Variants in LOXHD1 observed in about 807,000 individuals in gnomAD.
The protein encoded by LOXHD1 is lipoxygenase homology domain-containing protein 1.
LOXHD1 carries 205 observed loss-of-function variants against 248.2 expected under a neutral mutation model. That is an observed-to-expected ratio of 0.83 (90% CI 0.74 to 0.93). LOXHD1 has a LOEUF of 0.93. LOXHD1 is among the 40% of genes least tolerant of loss of function. The pLI is 0.00. For synonymous variants in LOXHD1, 1,113 were observed against 1,162.8 expected (o/e 0.96, Z 0.87); for missense variants, 2,930 against 2,971.6 (o/e 0.99, Z 0.33).
chr18:46,489,368 A>C (rs1482555774), intron 37 of LOXHD1, among the ~76,000 whole-genome samples: 1 of 152,218 alleles, frequency 6.6e-6, no homozygotes, highest in Non-Finnish European at 1.5e-5. Context: ...CTTTGGGTTC[A>C]TGAACCCTAG....
chr18:46,515,331 G>C (rs931839687), intron 34 of LOXHD1, among the ~76,000 whole-genome samples: 1 of 152,028 alleles, frequency 6.6e-6, no homozygotes, highest in African/African-American at 2.4e-5. Flanking sequence ...TCTTAACAAG[G>C]ACTTCAAGAC....
chr18:46,489,906 A>G (rs1307741335), intron 37 of LOXHD1, among the ~76,000 whole-genome samples: 3 of 152,252 alleles, frequency 2.0e-5, no homozygotes. Flanking sequence ...TTCAACAATC[A>G]TAGAAGAAAT....
At chr18:46,572,263 G>T in intron 14 of LOXHD1, 101 bp from the exon 15 acceptor site, 1 of 1,046,978 alleles carries the variant, frequency 9.6e-7, no homozygotes, top group Non-Finnish European at 1.5e-6. Flanking sequence ...CCAGAGCTTT[G>T]ACTTTAGCAA....
chr18:46,593,293 G>A (rs1011446638), intron 10 of LOXHD1, among the ~76,000 whole-genome samples: 1 of 152,260 alleles, frequency 6.6e-6, no homozygotes, highest in African/African-American at 2.4e-5. Flanking sequence ...TGTTCTCAGG[G>A]TCTCTGTTCT....
At chr18:46,565,551 C>T (rs776694679) in intron 17 of LOXHD1, among the ~76,000 whole-genome samples, 1 of 152,200 alleles carries the variant, frequency 6.6e-6, no homozygotes, top group African/African-American at 2.4e-5. Flanking sequence ...CCTCAATAGA[C>T]CGTCATTCCT....
At chr18:46,533,401 T>C in intron 27 of LOXHD1, 77 bp from the exon 28 acceptor site, 1 of 1,485,144 alleles carries the variant, frequency 6.7e-7, no homozygotes, top group Non-Finnish European at 9.1e-7. Flanking sequence ...AGCTCAATAC[T>C]CATGGAGACC....
At chr18:46,523,606 C>T (rs1413111191) in intron 31 of LOXHD1, among the ~76,000 whole-genome samples, 1 of 152,168 alleles carries the variant, frequency 6.6e-6, no homozygotes, top group Admixed American at 6.5e-5. Context: ...TTCTCAATAG[C>T]TTGGAAGACA....
chr18:46,516,546 A>G (rs2035257884), intron 34 of LOXHD1, among the ~76,000 whole-genome samples: 1 of 152,126 alleles, frequency 6.6e-6, no homozygotes, highest in Admixed American at 6.5e-5. Flanking sequence ...TGGTCCTCAA[A>G]AGCTTCAGTA....
At position 46,657,118 on chromosome 18, in the gene LOXHD1, C is replaced by T; in HGVS notation, c.-85G>A. ...GGGAACCTGAGACCTCCTCCCTGAG[C>T]TCTGGCGCCCACGGCCCTCCTATAG... On this transcript the variant is annotated 5_prime_UTR_variant, in exon 1 of 41. Transcript: ENST00000642948. 1.3e-6 allele frequency: 2 copies of T among 1,545,898 alleles called. No individual in the cohort carries two copies. The highest frequency in any genetic ancestry group is 1.7e-6 in the Non-Finnish European group (2 of 1,144,546).
downstream of LOXHD1, chr18:46,477,045 C>G: frequency 1.5e-6 from 1 of 654,054 alleles, no homozygotes; most frequent in Middle Eastern, 3.1e-4. Context: ...AAGATGAGTT[C>G]TTTATAGGAT....
At chr18:46,633,303 G>A (rs1339082838) in intron 4 of LOXHD1, among the ~76,000 whole-genome samples, 1 of 152,190 alleles carries the variant, frequency 6.6e-6, no homozygotes, top group Non-Finnish European at 1.5e-5. Context: ...AGAACAGAGA[G>A]CCCAGAAATA....
At chr18:46,625,421 G>C (rs56140519) in intron 4 of LOXHD1, among the ~76,000 whole-genome samples, 62,754 of 151,380 alleles carry the variant, frequency 0.41, 13,183 homozygotes, top group East Asian at 0.46. Context: ...TGGCTTCCCT[G>C]GGCCACACTG....
chr18:46,544,171 A>G (rs868255484), intron 23 of LOXHD1, among the ~76,000 whole-genome samples: 1 of 152,228 alleles, frequency 6.6e-6, no homozygotes, highest in Non-Finnish European at 1.5e-5. Context: ...TGGTTTAAGT[A>G]TACAGAGAGA....
intron 31 of LOXHD1, among the ~76,000 whole-genome samples, chr18:46,522,999 G>C (rs929015167): frequency 6.6e-6 from 1 of 151,956 alleles, no homozygotes; most frequent in African/African-American, 2.4e-5. Flanking sequence ...CCAGGCTGGA[G>C]TGCAATGGCA....
chr18:46,590,405 G>A (rs1408478774), intron 12 of LOXHD1, among the ~76,000 whole-genome samples: 1 of 152,154 alleles, frequency 6.6e-6, no homozygotes, highest in Non-Finnish European at 1.5e-5. Context: ...TAGAAATAGA[G>A]ACCGAGAATC....
At chr18:46,541,102 A>G (rs757962811) in intron 25 of LOXHD1, among the ~76,000 whole-genome samples, 18 of 152,246 alleles carry the variant, frequency 1.2e-4, no homozygotes, top group Non-Finnish European at 2.5e-4. Context: ...GATTCCCAGT[A>G]CATAGTACTA....
chr18:46,568,215 T>C (rs923949460), intron 16 of LOXHD1, among the ~76,000 whole-genome samples: 1 of 152,146 alleles, frequency 6.6e-6, no homozygotes, highest in Admixed American at 6.5e-5. Flanking sequence ...GGTAGAGGGC[T>C]TGTTACCATC....
intron 1 of LOXHD1, among the ~76,000 whole-genome samples, chr18:46,655,926 A>T (rs761804774): frequency 7.2e-5 from 11 of 152,212 alleles, no homozygotes; most frequent in Non-Finnish European, 1.6e-4. Flanking sequence ...AAGAGATGGG[A>T]TCAGAACTGG....
At chr18:46,511,139 A>T (rs1478872319) in intron 34 of LOXHD1, among the ~76,000 whole-genome samples, 1 of 152,198 alleles carries the variant, frequency 6.6e-6, no homozygotes, top group Non-Finnish European at 1.5e-5. Context: ...CTTCTGGAAG[A>T]CTGCAAGGAG....
Sources: gnomAD v4.1 joint callset for allele counts (sites outside exome capture counted in the v4.1 genomes callset) on GRCh38, gnomAD v4.1.1 for gene constraint, MANE v1.5 for transcripts, NCBI Gene and HGNC (gene_info 2026-07-23, HGNC 2026-07-21) for gene names.